Variants in RNF10 observed in about 807,000 individuals in gnomAD.
RNF10 encodes E3 ubiquitin-protein ligase RNF10.
Under a neutral mutation model 91.4 loss-of-function variants are expected in RNF10, and 38 were observed. The observed-to-expected ratio is 0.42, with a 90% CI of 0.32 to 0.54. The LOEUF is 0.54. Among genes scored for constraint, RNF10 ranks in the 20% least tolerant of loss-of-function variants. The pLI is 0.16. For missense variants in RNF10, 945 were observed against 1,012.0 expected, an observed-to-expected ratio of 0.93 and a Z score of 0.90; for synonymous variants, 364 against 366.3, an observed-to-expected ratio of 0.99 and a Z score of 0.07.
At chr12:120,537,304 C>T (rs1038032971) in intron 1 of RNF10, among the ~76,000 whole-genome samples, 1 of 151,730 alleles carries the variant, frequency 6.6e-6, no homozygotes, top group Admixed American at 6.6e-5. Context: ...CAGAGTGAGA[C>T]CCCGTCTCAA....
intron 14 of RNF10, among the ~76,000 whole-genome samples, chr12:120,572,922 A>G (rs1313698442): frequency 2.3e-4 from 14 of 59,684 alleles, no homozygotes; most frequent in African/African-American, 7.8e-4. Flanking sequence ...TTTTTTTTTT[A>G]AACTAGGCTT....
chr12:120,544,162 G>A (rs1454285128), intron 1 of RNF10, among the ~76,000 whole-genome samples: 1 of 151,978 alleles, frequency 6.6e-6, no homozygotes, highest in Non-Finnish European at 1.5e-5. Flanking sequence ...GGGAGGTAGA[G>A]GTTGCAGTGA....
intron 1 of RNF10, among the ~76,000 whole-genome samples, chr12:120,541,452 T>TTTTG: frequency 6.6e-6 from 1 of 151,218 alleles, no homozygotes. Context: ...TTTTTTTTTT[T>TTTTG]GAGACGGAGT....
At chr12:120,567,335 C>CAAAA (rs11373766) in intron 13 of RNF10, among the ~76,000 whole-genome samples, 5 of 143,938 alleles carry the variant, frequency 3.5e-5, no homozygotes, top group Admixed American at 1.4e-4. Context: ...TTTAATAGCT[C>CAAAA]AAAAAAAAAA....
chr12:120,575,824 G>A lies in RNF10; in HGVS notation c.2233G>A (p.Asp745Asn). 1 of 1,614,180 alleles carries A rather than the reference G, an allele frequency of 6.2e-7. No homozygotes were observed. Among genetic ancestry groups the A allele is most frequent in the Non-Finnish European group, 8.5e-7 (1 of 1,180,028 alleles). ...ENSLVPPAPVDSDGESDNSDR... is the reference protein window; with the variant it reads ...ENSLVPPAPVNSDGESDNSDR... ...CAGCTTAGTTCCTCCTGCCCCTGTG[G>A]ACAGCGACGGGGAGAGTGATAATTC... The change falls in exon 16 of 17, where the codon GAC becomes AAC. Residue 745 changes from aspartate to asparagine, a missense_variant. Transcript: ENST00000325954.
intron 16 of RNF10, 40 bp downstream of exon 16, chr12:120,575,990 A>G: frequency 6.2e-7 from 1 of 1,604,534 alleles, no homozygotes; most frequent in Admixed American, 1.7e-5. Context: ...TGTCAAACAT[A>G]CTACACATGT....
chr12:120,572,976 G>C (rs1876889825), intron 14 of RNF10, among the ~76,000 whole-genome samples: 1 of 145,436 alleles, frequency 6.9e-6, no homozygotes, highest in South Asian at 2.3e-4. Flanking sequence ...TTGAAATACA[G>C]AGTTGAAAGA....
intron 1 of RNF10, chr12:120,539,563 A>G: frequency 2.0e-6 from 1 of 505,832 alleles, no homozygotes; most frequent in Non-Finnish European, 3.5e-6. Context: ...TTAGAACTAG[A>G]GCTAGAAATG....
At chr12:120,557,177 A>T (rs1043301168) in intron 4 of RNF10, 105 bp from the exon 5 acceptor site, 2 of 931,712 alleles carry the variant, frequency 2.1e-6, no homozygotes, top group Non-Finnish European at 3.4e-6. Flanking sequence ...ATGTACGGGG[A>T]TAGAGATGAG....
chr12:120,554,850 C>G (rs994583821), intron 4 of RNF10, 42 bp downstream of exon 4: 1 of 1,472,034 alleles, frequency 6.8e-7, no homozygotes, highest in African/African-American at 1.4e-5. Context: ...AATGGGAGCA[C>G]TAAATAAAGG....
At position 120,566,829 on chromosome 12, in the gene RNF10, A is replaced by G. The variant is rs770887761; in HGVS notation, c.1890A>G (p.Pro630=). 1 of 1,612,620 alleles carries G rather than the reference A, an allele frequency of 6.2e-7. No individual in the cohort carries two copies. Among genetic ancestry groups the G allele is most frequent in the Non-Finnish European group, 8.5e-7 (1 of 1,179,600 alleles). The change falls in exon 13 of 17, where the codon CCA becomes CCG. Residue 630 remains proline (P), a synonymous_variant. Transcript: ENST00000325954. The part of the protein sequence containing the change: ...IEENKKQGKY[P]EVHIPLENLQ... ...AGGGTTATCTTTCCTTTGCAGACCC[A>G]GAAGTCCACATTCCCCTCGAGAATC... is the stretch of plus-strand genomic sequence containing the variant.
intron 2 of RNF10, among the ~76,000 whole-genome samples, chr12:120,550,493 C>T (rs1374470254): frequency 6.6e-6 from 1 of 152,068 alleles, no homozygotes. Context: ...TTAAAGAGAT[C>T]AGAGCCATGT....
chr12:120,562,271 C>CTTTTTTTTTTTTTTTTT (rs71076634), intron 7 of RNF10, among the ~76,000 whole-genome samples: 1 of 100,104 alleles, frequency 1.0e-5, no homozygotes, highest in Admixed American at 1.5e-4. Flanking sequence ...TTCTTTCTTT[C>CTTTTTTTTTTTTTTTTT]TTTTTTTTTT....
intron 4 of RNF10, among the ~76,000 whole-genome samples, chr12:120,555,807 T>A (rs1264979996): frequency 6.6e-6 from 1 of 151,692 alleles, no homozygotes; most frequent in Non-Finnish European, 1.5e-5. Flanking sequence ...CTTTTTTTTT[T>A]TGAGACAGTC....
At chr12:120,560,544 TATATC>T (rs1400862728) in intron 6 of RNF10, among the ~76,000 whole-genome samples, 177 bp from the exon 7 acceptor site, 1 of 152,204 alleles carries the variant, frequency 6.6e-6, no homozygotes, top group Non-Finnish European at 1.5e-5. Context: ...TTAGATTTCT[TATATC>T]AAGAGCAGAG....
chr12:120,550,746 G>A (rs553484651), intron 2 of RNF10, among the ~76,000 whole-genome samples: 8 of 151,746 alleles, frequency 5.3e-5, no homozygotes, highest in Non-Finnish European at 7.4e-5. Flanking sequence ...ATAGGTGCCC[G>A]CCACCATGCC....
At chr12:120,566,733 G>T in intron 12 of RNF10, 92 bp from the exon 13 acceptor site, 2 of 1,203,384 alleles carry the variant, frequency 1.7e-6, no homozygotes, top group Non-Finnish European at 2.4e-6. Context: ...CTACACTCCA[G>T]CCTGGGTGAC....
intron 1 of RNF10, among the ~76,000 whole-genome samples, chr12:120,540,960 A>G (rs1395253568): frequency 1.3e-5 from 2 of 150,694 alleles, no homozygotes; most frequent in African/African-American, 2.4e-5. Context: ...GGTTCAAGCT[A>G]TTCTCCTGCC....
At chr12:120,562,754 T>C (rs1875075068) in intron 7 of RNF10, among the ~76,000 whole-genome samples, 191 bp from the exon 8 acceptor site, 1 of 152,146 alleles carries the variant, frequency 6.6e-6, no homozygotes, top group Non-Finnish European at 1.5e-5. Flanking sequence ...CAATCCTTAG[T>C]GGGTATTGCA....
Sources: allele counts gnomAD v4.1 joint callset (sites outside exome capture counted in the v4.1 genomes callset), GRCh38; gene constraint gnomAD v4.1.1; transcripts MANE v1.5; gene names NCBI Gene and HGNC (gene_info 2026-07-23, HGNC 2026-07-21).